Variants in PPFIA1 observed in about 807,000 individuals in gnomAD.
PPFIA1 encodes the protein PPFI scaffold protein A1, also known as liprin-alpha-1.
A neutral mutation model predicts 149.9 loss-of-function variants in PPFIA1; 25 were observed. The ratio of observed to expected loss-of-function variants is 0.17; its 90% CI spans 0.12 to 0.23. The LOEUF (loss-of-function observed/expected upper bound fraction) is 0.23, where lower values mean the gene tolerates loss of function less well. PPFIA1 is among the 10% of genes least tolerant of loss of function. The probability of loss-of-function intolerance (pLI) is 1.00; values close to 1 mark genes in which losing one functional copy is unlikely to be tolerated. For synonymous variants in PPFIA1, 549 were observed against 552.8 expected (o/e 0.99, Z 0.10); for missense variants, 1,362 against 1,506.5 (o/e 0.90, Z 1.59).
At chr11:70,354,816 C>A (rs1422801507) in intron 17 of PPFIA1, among the ~76,000 whole-genome samples, 1 of 152,086 alleles carries the variant, frequency 6.6e-6, no homozygotes, top group African/African-American at 2.4e-5. Flanking sequence ...CTAGGACAAC[C>A]CGTGCCTTTC....
At chr11:70,358,072 G>A (rs960940003) in intron 19 of PPFIA1, 1 of 152,190 alleles carries the variant, frequency 6.6e-6, no homozygotes, top group Admixed American at 6.5e-5. Context: ...TTTATGTTGT[G>A]CTTGGGATCC....
At chr11:70,297,520 G>T (rs2052157640) in intron 2 of PPFIA1, among the ~76,000 whole-genome samples, 1 of 152,204 alleles carries the variant, frequency 6.6e-6, no homozygotes, top group African/African-American at 2.4e-5. Context: ...TGTATTGTCT[G>T]AAGGGTGCAT....
At chr11:70,316,198 A>G (rs1287014096) in intron 2 of PPFIA1, among the ~76,000 whole-genome samples, 2 of 151,948 alleles carry the variant, frequency 1.3e-5, no homozygotes, top group Admixed American at 6.6e-5. Context: ...CAGCCTCCCA[A>G]ATAGTTGGGA....
At chr11:70,373,865 A>G (rs954260249) in intron 23 of PPFIA1, 2 of 152,228 alleles carry the variant, frequency 1.3e-5, no homozygotes, top group South Asian at 2.1e-4. Context: ...CGACATTTAT[A>G]CAGTGTGTGT....
chr11:70,305,969 A>G (rs563502693), intron 2 of PPFIA1, among the ~76,000 whole-genome samples: 99 of 152,360 alleles, frequency 6.5e-4, no homozygotes, highest in African/African-American at 2.4e-3. Flanking sequence ...AGCAAAATTC[A>G]AAACGGAGAA....
intron 2 of PPFIA1, among the ~76,000 whole-genome samples, chr11:70,305,494 C>T (rs1188744770): frequency 6.6e-6 from 1 of 152,106 alleles, no homozygotes; most frequent in East Asian, 1.9e-4. Flanking sequence ...ACCACAGCCT[C>T]CTAAGTAACT....
At chr11:70,295,857 T>C (rs1295798048) in intron 2 of PPFIA1, among the ~76,000 whole-genome samples, 7 of 139,382 alleles carry the variant, frequency 5.0e-5, no homozygotes, top group Admixed American at 2.1e-4. Flanking sequence ...GGGTGGCTGC[T>C]GGGCGGAGGG....
At chr11:70,366,012 C>A (rs1295360553) in intron 21 of PPFIA1, 1 of 446,596 alleles carries the variant, frequency 2.2e-6, no homozygotes, top group Non-Finnish European at 4.5e-6. Context: ...TGTACAGCAG[C>A]AAAAAGCAAT....
chr11:70,337,480 A>G, intron 12 of PPFIA1, 53 bp downstream of exon 12: 1 of 1,367,430 alleles, frequency 7.3e-7, no homozygotes, highest in Non-Finnish European at 1.0e-6. Flanking sequence ...TGAGTTGATG[A>G]TGATGATAGT....
chr11:70,360,039 G>A (rs2056557529), intron 19 of PPFIA1, among the ~76,000 whole-genome samples: 1 of 152,224 alleles, frequency 6.6e-6, no homozygotes, highest in African/African-American at 2.4e-5. Flanking sequence ...TACAGATCAT[G>A]GACTGGTCTG....
At chr11:70,322,130 C>T (rs990019175) in intron 2 of PPFIA1, among the ~76,000 whole-genome samples, 9 of 152,196 alleles carry the variant, frequency 5.9e-5, no homozygotes, top group African/African-American at 1.4e-4. Flanking sequence ...CTGCCTGCCT[C>T]GGCCTCCCAA....
chr11:70,362,233 C>G (rs369476704), intron 20 of PPFIA1, 55 bp from the exon 21 acceptor site: 1 of 1,612,064 alleles, frequency 6.2e-7, no homozygotes. Context: ...ACTTACTGTT[C>G]TACTTTGTAG....
rs556328141 is a variant in PPFIA1, at chr11:70,343,872, C to T, written c.1911C>T (p.Asp637=). 54 of 1,613,696 alleles carry T rather than the reference C, an allele frequency of 3.3e-5. No individual in the cohort carries two copies. Among genetic ancestry groups the T allele is most frequent in the African/African-American group, 3.2e-4 (24 of 75,048 alleles). Residue 637 remains aspartate, a synonymous_variant, in exon 15 of 28, where the codon GAC becomes GAT. Coordinates refer to ENST00000253925, the MANE Select transcript of PPFIA1 (RefSeq NM_003626.5). ...CCATGATGCTTCAGGAGCAGCTGGA[C>T]GCCATCAACAAAGAGATCAGGTGTG... The part of the protein sequence containing the change: ...TLAMMLQEQL[D]AINKEIRLIQ...
intron 2 of PPFIA1, among the ~76,000 whole-genome samples, chr11:70,312,183 G>T (rs1175864575): frequency 6.6e-6 from 1 of 151,548 alleles, no homozygotes; most frequent in African/African-American, 2.4e-5. Context: ...TTTGTTTTGA[G>T]ACAGGGTCTC....
rs534585181 is a variant in PPFIA1 at position 70,283,087 on chromosome 11, G to A, written c.264+10651G>A. 1.0e-3 allele frequency among the ~76,000 whole-genome samples: 157 copies of A among 151,280 alleles called. 1 individual carries two copies. The highest frequency in any genetic ancestry group is 3.4e-3 in the Middle Eastern group (1 of 292). ...ACTTCTGACCTCAGGTGATCTGCCC[G>A]CCTCAGCCTCCCACAGTGCTGGGAT... On this transcript the variant is annotated intron_variant, in intron 2 of 27. Coordinates refer to ENST00000253925, the MANE Select transcript of PPFIA1 (RefSeq NM_003626.5).
intron 7 of PPFIA1, among the ~76,000 whole-genome samples, chr11:70,328,427 G>C (rs1255536986): frequency 1.3e-5 from 2 of 152,198 alleles, no homozygotes; most frequent in African/African-American, 4.8e-5. Context: ...TTTTATGGCT[G>C]CATAGTATTC....
chr11:70,343,568 T>G (rs1591286245), intron 14 of PPFIA1, 101 bp from the exon 15 acceptor site: 1 of 1,048,244 alleles, frequency 9.5e-7, no homozygotes, highest in East Asian at 2.6e-5. Flanking sequence ...TCTAAAATCT[T>G]TTGGGCTTTC....
At chr11:70,306,171 GC>G (rs1028770469) in intron 2 of PPFIA1, among the ~76,000 whole-genome samples, 5 of 152,116 alleles carry the variant, frequency 3.3e-5, no homozygotes, top group African/African-American at 7.2e-5. Context: ...ACGCTTACTT[GC>G]GAAGCAATCT....
intron 26 of PPFIA1, among the ~76,000 whole-genome samples, chr11:70,381,639 T>C (rs1277651285): frequency 6.6e-6 from 1 of 152,188 alleles, no homozygotes; most frequent in East Asian, 1.9e-4. Flanking sequence ...CCGACGTCGT[T>C]GGCCTCTGCG....
Sources: gnomAD v4.1 joint callset for allele counts (sites outside exome capture counted in the v4.1 genomes callset) on GRCh38, gnomAD v4.1.1 for gene constraint, MANE v1.5 for transcripts, NCBI Gene and HGNC (gene_info 2026-07-23, HGNC 2026-07-21) for gene names.